Variants in TBC1D4 observed in about 807,000 individuals in gnomAD.
The protein encoded by TBC1D4 is TBC (Tre-2, BUB2, CDC16) domain-containing protein.
A neutral mutation model predicts 142.5 loss-of-function variants in TBC1D4; 121 were observed. The ratio of observed to expected loss-of-function variants is 0.85; its 90% CI spans 0.73 to 0.99. The LOEUF (loss-of-function observed/expected upper bound fraction) is 0.99. Ranked by LOEUF, TBC1D4 falls within the 50% of genes least tolerant of loss-of-function variation. The probability of loss-of-function intolerance (pLI) is 0.00; values close to 1 mark genes in which losing one functional copy is unlikely to be tolerated. For synonymous variants in TBC1D4, 630 were observed against 628.2 expected, an observed-to-expected ratio of 1.00 and a Z score of -0.04; for missense variants, 1,475 against 1,606.6, an observed-to-expected ratio of 0.92 and a Z score of 1.40.
At chr13:75,314,791 AC>A (rs1293631220) in intron 12 of TBC1D4, among the ~76,000 whole-genome samples, 33 of 144,638 alleles carry the variant, frequency 2.3e-4, no homozygotes, top group Admixed American at 2.0e-3. Flanking sequence ...ACATGGTGAA[AC>A]CCTGTCTCAA....
intron 4 of TBC1D4, among the ~76,000 whole-genome samples, chr13:75,355,538 C>A (rs1267195809): frequency 6.6e-6 from 1 of 152,206 alleles, no homozygotes; most frequent in Non-Finnish European, 1.5e-5. Flanking sequence ...TCTGCTTTCA[C>A]AGCTCTACGA....
chr13:75,290,893 A>G (rs1030082342), intron 19 of TBC1D4, among the ~76,000 whole-genome samples: 1 of 152,192 alleles, frequency 6.6e-6, no homozygotes, highest in East Asian at 1.9e-4. Flanking sequence ...GCACCAGAAC[A>G]AGGTTCCAAA....
chr13:75,448,217 A>G (rs1887375810), intron 1 of TBC1D4, among the ~76,000 whole-genome samples: 1 of 152,180 alleles, frequency 6.6e-6, no homozygotes, highest in Admixed American at 6.5e-5. Flanking sequence ...GAATGAACGA[A>G]CAAGTGAATG....
At chr13:75,321,959 T>C (rs186044166) in intron 11 of TBC1D4, among the ~76,000 whole-genome samples, 1 of 152,334 alleles carries the variant, frequency 6.6e-6, no homozygotes, top group East Asian at 1.9e-4. Context: ...TCATTCCATT[T>C]ATACAAAGTT....
rs1318508855 is a variant in TBC1D4, at chr13:75,341,246, G to A, written c.1501-11C>T. On this transcript the variant is annotated splice_polypyrimidine_tract_variant and intron_variant, in intron 6 of 20. Coordinates refer to ENST00000377636, the MANE Select transcript of TBC1D4 (RefSeq NM_014832.5). Reference sequence around the variant, plus strand: ...GACTGGCTTCATTTTCTGTTCAACAGACAAACCAAAAGAACACTATGGCAA... The same window carrying A: ...GACTGGCTTCATTTTCTGTTCAACAAACAAACCAAAAGAACACTATGGCAA... 1 of 1,610,246 alleles carries A rather than the reference G, an allele frequency of 6.2e-7. No individual in the cohort carries two copies. Among genetic ancestry groups the A allele is most frequent in the Non-Finnish European group, 8.5e-7 (1 of 1,176,812 alleles).
intron 3 of TBC1D4, among the ~76,000 whole-genome samples, chr13:75,359,059 T>C (rs1882292677): frequency 6.6e-6 from 1 of 152,202 alleles, no homozygotes; most frequent in Non-Finnish European, 1.5e-5. Flanking sequence ...TCCAGCTCCT[T>C]GAAGGTAAGT....
chr13:75,297,736 G>C (rs1876092846), intron 17 of TBC1D4, among the ~76,000 whole-genome samples: 1 of 147,074 alleles, frequency 6.8e-6, no homozygotes, highest in African/African-American at 2.5e-5. Flanking sequence ...CTGCCTGGGT[G>C]ACAGAGCAAG....
intron 1 of TBC1D4, among the ~76,000 whole-genome samples, chr13:75,460,404 G>A (rs1267071399): frequency 6.6e-6 from 1 of 152,154 alleles, no homozygotes; most frequent in Non-Finnish European, 1.5e-5. Context: ...CTTGTGAATA[G>A]GGTTTGTAAA....
At chr13:75,475,742 GTTAT>G (rs1321074840) in intron 1 of TBC1D4, among the ~76,000 whole-genome samples, 2 of 152,178 alleles carry the variant, frequency 1.3e-5, no homozygotes, top group African/African-American at 4.8e-5. Context: ...ACTGAATGGT[GTTAT>G]TTCTCAGGCT....
intron 8 of TBC1D4, among the ~76,000 whole-genome samples, chr13:75,331,055 A>G (rs1197236813): frequency 6.6e-6 from 1 of 152,192 alleles, no homozygotes; most frequent in Admixed American, 6.5e-5. Flanking sequence ...TTACCCACAC[A>G]AGCTTTTTTT....
intron 8 of TBC1D4, among the ~76,000 whole-genome samples, chr13:75,334,576 GTTTT>G (rs1555305551): frequency 6.6e-6 from 1 of 151,570 alleles, no homozygotes; most frequent in Non-Finnish European, 1.5e-5. Flanking sequence ...GGAACAGGTG[GTTTT>G]TTGTTTGTTT....
At position 75,294,852 on chromosome 13, in the gene TBC1D4, A is replaced by C. The variant is rs1875727232; in HGVS notation, c.3316+2T>G. 1 of 1,613,584 alleles carries C rather than the reference A, an allele frequency of 6.2e-7. No individual in the cohort carries two copies. Among genetic ancestry groups the C allele is most frequent in the Non-Finnish European group, 8.5e-7 (1 of 1,179,698 alleles). ...TTCCATTTAATTACAGGTATCTCTT[A>C]CCAAAAACTCTGGCTACAAATCCTA... On this transcript the variant is annotated splice_donor_variant, in intron 18 of 20. Transcript: ENST00000377636. LOFTEE classifies it high-confidence loss of function.
At chr13:75,462,994 C>T (rs114268692) in intron 1 of TBC1D4, among the ~76,000 whole-genome samples, 3,228 of 152,210 alleles carry the variant, frequency 0.021, 122 homozygotes, top group African/African-American at 0.074. Flanking sequence ...TGATTACAGG[C>T]TGATCTACCA....
At chr13:75,480,873 G>GCGCA (rs1182212682) in intron 1 of TBC1D4, among the ~76,000 whole-genome samples, 11 of 98,886 alleles carry the variant, frequency 1.1e-4, no homozygotes, top group East Asian at 3.5e-4. Flanking sequence ...GCGCGCACAC[G>GCGCA]CACGCACACA....
intron 15 of TBC1D4, among the ~76,000 whole-genome samples, chr13:75,303,356 G>C (rs559614008): frequency 4.6e-5 from 7 of 152,144 alleles, no homozygotes; most frequent in African/African-American, 1.7e-4. Flanking sequence ...CAATAAGAAG[G>C]CGTAACTGAT....
Position 75,349,250 on chromosome 13 carries a change from A to G in TBC1D4, c.1328T>C (p.Leu443Pro). 1 of 1,613,966 alleles carries G rather than the reference A, an allele frequency of 6.2e-7. No individual in the cohort carries two copies. Among genetic ancestry groups the G allele is most frequent in the South Asian group, 1.1e-5 (1 of 91,078 alleles). Reference sequence around the variant, plus strand: ...TTTAATCTGCGTCTTGGCACTCTGCAGGGCAGCCGCCGTACTGAAGGCCTG... The same window carrying G: ...TTTAATCTGCGTCTTGGCACTCTGCGGGGCAGCCGCCGTACTGAAGGCCTG... Reference protein sequence around the residue: ...LKQAFSTAAALQSAKTQIKLC... With the variant: ...LKQAFSTAAAPQSAKTQIKLC... Residue 443 changes from leucine to proline, a missense_variant, in exon 5 of 21, where the codon CTG becomes CCG. By Grantham distance (98) the Leu-to-Pro change is moderately conservative. This residue lies in a region of TBC1D4 where 1,227 missense variants were observed against 1,267.7 expected (regional missense o/e 0.97). Coordinates refer to ENST00000377636, the MANE Select transcript of TBC1D4 (RefSeq NM_014832.5).
At chr13:75,333,294 G>A (rs1244075770) in intron 8 of TBC1D4, among the ~76,000 whole-genome samples, 1 of 152,112 alleles carries the variant, frequency 6.6e-6, no homozygotes, top group Non-Finnish European at 1.5e-5. Flanking sequence ...AGTGTGCTGG[G>A]TACAGAAAAG....
chr13:75,360,744 ATGTT>A (rs1460682531), intron 2 of TBC1D4, among the ~76,000 whole-genome samples: 1 of 152,130 alleles, frequency 6.6e-6, no homozygotes, highest in African/African-American at 2.4e-5. Flanking sequence ...TTAAGGCAAA[ATGTT>A]TGTAAGTGTT....
At chr13:75,443,299 G>C (rs1184862092) in intron 1 of TBC1D4, among the ~76,000 whole-genome samples, 1 of 152,184 alleles carries the variant, frequency 6.6e-6, no homozygotes. Flanking sequence ...AAAGTACCTA[G>C]ACTGAGCAGA....
Sources: allele counts gnomAD v4.1 joint callset (sites outside exome capture counted in the v4.1 genomes callset), GRCh38; gene constraint gnomAD v4.1.1; regional missense constraint gnomAD v4.1.1; transcripts MANE v1.5; gene names NCBI Gene and HGNC (gene_info 2026-07-23, HGNC 2026-07-21).